The following BACH2 variants were observed in gnomAD, a reference collection of about 807,000 sequenced individuals.
BACH2 encodes transcription regulator protein BACH2.
BACH2 carries 5 observed loss-of-function variants against 61.8 expected under a neutral mutation model. The observed-to-expected ratio is 0.08, with a 90% CI of 0.04 to 0.17. The LOEUF (loss-of-function observed/expected upper bound fraction) is 0.17, where lower values mean the gene tolerates loss of function less well. Among genes scored for constraint, BACH2 ranks in the 10% least tolerant of loss-of-function variants. BACH2 has a pLI of 1.00. For synonymous variants in BACH2, 446 were observed against 440.1 expected (o/e 1.01, Z -0.17); for missense variants, 824 against 1,091.1 (o/e 0.76, Z 3.45).
chr6:90,235,160 G>T (rs1460736649), intron 3 of BACH2, among the ~76,000 whole-genome samples: 2 of 152,198 alleles, frequency 1.3e-5, no homozygotes, highest in Non-Finnish European at 2.9e-5. Context: ...AAGTTGCTAG[G>T]AGCATTAAAC....
At chr6:90,295,547 C>T (rs1772319370) in intron 1 of BACH2, among the ~76,000 whole-genome samples, 3 of 152,270 alleles carry the variant, frequency 2.0e-5, no homozygotes, top group East Asian at 1.9e-4. Flanking sequence ...GTGAGCGAAG[C>T]ACAGCGGGGC....
At chr6:89,948,572 A>G (rs1466215135) in intron 7 of BACH2, among the ~76,000 whole-genome samples, 1 of 152,080 alleles carries the variant, frequency 6.6e-6, no homozygotes, top group Non-Finnish European at 1.5e-5. Flanking sequence ...TTCTCCCTCC[A>G]CCAGTCCTTG....
chr6:90,007,870 C>A (rs1463948488), intron 6 of BACH2, among the ~76,000 whole-genome samples: 1 of 152,118 alleles, frequency 6.6e-6, no homozygotes, highest in African/African-American at 2.4e-5. Flanking sequence ...TATCCTTAGT[C>A]CCATAGGAAT....
intron 6 of BACH2, among the ~76,000 whole-genome samples, chr6:89,958,665 C>G (rs1031608668): frequency 2.0e-5 from 3 of 152,128 alleles, no homozygotes; most frequent in African/African-American, 7.2e-5. Flanking sequence ...GAGGTATTTG[C>G]AGGATGCTGG....
intron 8 of BACH2, among the ~76,000 whole-genome samples, chr6:89,934,036 C>T (rs1777390146): frequency 6.6e-6 from 1 of 152,036 alleles, no homozygotes; most frequent in African/African-American, 2.4e-5. Flanking sequence ...AAGTCATCAA[C>T]AATTTCCTGT....
chr6:90,214,582 T>C (rs371041724), intron 3 of BACH2, among the ~76,000 whole-genome samples: 24 of 152,214 alleles, frequency 1.6e-4, no homozygotes, highest in East Asian at 7.7e-4. Context: ...AAGTAGGATG[T>C]TACCTTAATT....
intron 4 of BACH2, among the ~76,000 whole-genome samples, chr6:90,206,115 G>A (rs1158232583): frequency 1.3e-5 from 2 of 152,118 alleles, no homozygotes; most frequent in Non-Finnish European, 2.9e-5. Context: ...ACTGGTATAC[G>A]CAGTAACTCA....
At chr6:90,059,108 G>A (rs1780537953) in intron 5 of BACH2, among the ~76,000 whole-genome samples, 1 of 152,176 alleles carries the variant, frequency 6.6e-6, no homozygotes, top group Non-Finnish European at 1.5e-5. Flanking sequence ...GGCAACAAAA[G>A]ACAAAATTGA....
At chr6:90,189,384 G>A (rs1303857456) in intron 4 of BACH2, among the ~76,000 whole-genome samples, 2 of 151,792 alleles carry the variant, frequency 1.3e-5, no homozygotes, top group African/African-American at 2.4e-5. Context: ...CGAGGCGGGT[G>A]GATCATGAGG....
intron 1 of BACH2, among the ~76,000 whole-genome samples, chr6:90,275,707 G>A (rs1001931086): frequency 2.0e-5 from 3 of 151,940 alleles, no homozygotes; most frequent in Non-Finnish European, 2.9e-5. Flanking sequence ...TGGGCGTAGC[G>A]GCTCACGCCT....
rs1392983013 is a variant in BACH2 at position 89,932,599 on chromosome 6, G to A, written c.2335C>T (p.Pro779Ser). The change falls in exon 9 of 9, where the codon CCC becomes TCC. Residue 779 changes from proline to serine, a missense_variant. Coordinates refer to ENST00000257749, the MANE Select transcript of BACH2 (RefSeq NM_021813.4). ...CLEPGAAPPG[P>S]PWAPSNTSEN... ...GAGGTGTTGCTGGGTGCCCAGGGGG[G>A]TCCGGGGGGAGCCGCGCCTGGCTCC... is the stretch of plus-strand genomic sequence containing the variant. 7.4e-6 allele frequency: 12 copies of A among 1,614,044 alleles called. No homozygotes were observed. The highest frequency in any genetic ancestry group is 3.3e-5 in the South Asian group (3 of 91,076).
At chr6:90,031,425 C>T (rs1778976554) in intron 5 of BACH2, among the ~76,000 whole-genome samples, 1 of 152,172 alleles carries the variant, frequency 6.6e-6, no homozygotes. Context: ...TCCCTCTTTG[C>T]AGATGACATG....
chr6:90,209,705 C>T (rs1239244722), intron 3 of BACH2, among the ~76,000 whole-genome samples: 1 of 152,166 alleles, frequency 6.6e-6, no homozygotes, highest in Non-Finnish European at 1.5e-5. Context: ...CCAATCATGC[C>T]ACAATCCCCG....
At chr6:90,041,618 C>T (rs145582623) in intron 5 of BACH2, among the ~76,000 whole-genome samples, 1 of 152,138 alleles carries the variant, frequency 6.6e-6, no homozygotes, top group African/African-American at 2.4e-5. Flanking sequence ...ATGGATTATC[C>T]TGCTCTTTAG....
At chr6:90,174,933 A>G (rs539447602) in intron 4 of BACH2, among the ~76,000 whole-genome samples, 127 of 152,060 alleles carry the variant, frequency 8.4e-4, no homozygotes, top group Admixed American at 1.3e-3. Flanking sequence ...AAAAGCAAAC[A>G]AACAAGACAG....
At chr6:89,971,276 A>G (rs1775343583) in intron 6 of BACH2, among the ~76,000 whole-genome samples, 1 of 152,220 alleles carries the variant, frequency 6.6e-6, no homozygotes, top group Admixed American at 6.5e-5. Context: ...TAGGCTGAGA[A>G]CAAGGTAATG....
intron 6 of BACH2, among the ~76,000 whole-genome samples, chr6:89,966,639 CCTGT>C (rs1775063325): frequency 6.6e-6 from 1 of 152,188 alleles, no homozygotes; most frequent in Non-Finnish European, 1.5e-5. Flanking sequence ...ATATGTTATT[CCTGT>C]CTGTCAAGGG....
At chr6:89,976,432 C>T (rs1775656052) in intron 6 of BACH2, among the ~76,000 whole-genome samples, 1 of 152,230 alleles carries the variant, frequency 6.6e-6, no homozygotes, top group African/African-American at 2.4e-5. Context: ...GCAGTCTAAA[C>T]TCCAAAACAA....
chr6:90,091,048 G>A (rs1383156532), intron 4 of BACH2, among the ~76,000 whole-genome samples: 1 of 152,150 alleles, frequency 6.6e-6, no homozygotes, highest in Non-Finnish European at 1.5e-5. Context: ...ACTGGTGGCT[G>A]GCAAGTTTGA....
Sources: gnomAD v4.1 joint callset for allele counts (sites outside exome capture counted in the v4.1 genomes callset) on GRCh38, gnomAD v4.1.1 for gene constraint, MANE v1.5 for transcripts, NCBI Gene and HGNC (gene_info 2026-07-23, HGNC 2026-07-21) for gene names.